DPYD: variants seen among roughly 807,000 people sequenced by gnomAD.
DPYD encodes the protein dihydropyrimidine dehydrogenase.
A neutral mutation model predicts 116.2 loss-of-function variants in DPYD; 109 were observed. That is an observed-to-expected ratio of 0.94 (90% CI 0.80 to 1.10). The LOEUF (loss-of-function observed/expected upper bound fraction) is 1.10. Among genes scored for constraint, DPYD ranks in the 50% least tolerant of loss-of-function variants. DPYD has a pLI of 0.00. For synonymous variants in DPYD, 440 were observed against 432.0 expected, an observed-to-expected ratio of 1.02 and a Z score of -0.23; for missense variants, 1,302 against 1,254.5, an observed-to-expected ratio of 1.04 and a Z score of -0.57.
chr1:97,322,141 G>A (rs900098477), intron 16 of DPYD, among the ~76,000 whole-genome samples: 6 of 141,306 alleles, frequency 4.2e-5, no homozygotes, highest in South Asian at 2.4e-4. Flanking sequence ...GCTAGATGAC[G>A]CGTTAGTGGG....
chr1:97,920,935 A>C lies in DPYD; in HGVS notation c.-13T>G, dbSNP rs760379014. On this transcript the variant is annotated 5_prime_UTR_variant, in exon 1 of 23. Transcript: ENST00000370192. ...GCACAGGGGCCATGGCAGTGCCTAC[A>C]GTCTCGAGTCTGCCAGTGACAAACC... is the stretch of plus-strand genomic sequence containing the variant. The C allele has an allele frequency of 2.5e-6, 4 of 1,580,332 alleles. No individual in the cohort carries two copies. In the South Asian group the frequency reaches 4.6e-5, roughly 18 times the overall value.
At chr1:97,755,692 G>T (rs2101112246) in intron 3 of DPYD, among the ~76,000 whole-genome samples, 1 of 152,188 alleles carries the variant, frequency 6.6e-6, no homozygotes, top group Non-Finnish European at 1.5e-5. Flanking sequence ...AATGGATTCT[G>T]GATTTAAATC....
rs1301924646 is a variant in DPYD at position 97,268,387 on chromosome 1, T to G, written c.2300-33393A>C. 2.0e-5 allele frequency among the ~76,000 whole-genome samples: 3 copies of G among 152,178 alleles called. No individual in the cohort carries two copies. The East Asian group carries it at 5.8e-4, about 29-fold the overall frequency. On this transcript the variant is annotated intron_variant, in intron 18 of 22. Coordinates refer to ENST00000370192, the MANE Select transcript of DPYD (RefSeq NM_000110.4). ...TCAAAGTGGGGATTCCCTGCAGTAG[T>G]CTCACTCCTGCACTCTGCTGTGCAT...
chr1:97,697,820 TA>T (rs1426158256), intron 6 of DPYD, among the ~76,000 whole-genome samples: 3 of 151,994 alleles, frequency 2.0e-5, no homozygotes, highest in Non-Finnish European at 4.4e-5. Flanking sequence ...CAATACATAG[TA>T]AGTTACAAAT....
intron 16 of DPYD, among the ~76,000 whole-genome samples, chr1:97,369,979 G>A (rs748884057): frequency 2.6e-5 from 4 of 152,156 alleles, no homozygotes; most frequent in Non-Finnish European, 5.9e-5. Flanking sequence ...AGAAATGTTA[G>A]TGTTTTTAAA....
intron 16 of DPYD, among the ~76,000 whole-genome samples, chr1:97,372,236 C>T (rs12408270): frequency 0.044 from 6,731 of 152,200 alleles, 812 homozygotes; most frequent in East Asian, 0.36. Context: ...AAAAATACTT[C>T]GGTTCTGAGA....
intron 1 of DPYD, among the ~76,000 whole-genome samples, chr1:97,920,226 A>C (rs547202210): frequency 2.6e-5 from 4 of 152,300 alleles, no homozygotes; most frequent in Admixed American, 2.6e-4. Flanking sequence ...TTACATAAAA[A>C]AAGATTTTTT....
In DPYD at chr1:97,438,512, T is replaced by C. The variant is rs145108919; in HGVS notation, c.1905+11547A>G. Among the ~76,000 whole-genome samples the C allele has an allele frequency of 1.6e-3, 243 of 152,170 alleles. 1 individual carries two copies. Among genetic ancestry groups the C allele is most frequent in the African/African-American group, 5.3e-3 (222 of 41,574 alleles). On this transcript the variant is annotated intron_variant, in intron 14 of 22. Coordinates refer to ENST00000370192, the MANE Select transcript of DPYD (RefSeq NM_000110.4). ...ATTTATTTTAATTTCCAGTTGTTTATTGCTTGCATATAAAAATACAATTAA... is the reference window on the plus strand; with the variant it reads ...ATTTATTTTAATTTCCAGTTGTTTACTGCTTGCATATAAAAATACAATTAA...
intron 19 of DPYD, among the ~76,000 whole-genome samples, chr1:97,201,310 T>C (rs1278364325): frequency 1.3e-5 from 2 of 152,174 alleles, no homozygotes; most frequent in Admixed American, 6.6e-5. Flanking sequence ...TCTAATTCTA[T>C]CTGTCCACAC....
chr1:97,796,079 TA>T (rs1270696756), intron 3 of DPYD, among the ~76,000 whole-genome samples: 4 of 152,160 alleles, frequency 2.6e-5, no homozygotes, highest in African/African-American at 9.6e-5. Context: ...CCAATTCTGT[TA>T]GGTGAATATA....
At chr1:97,583,446 T>A (rs1653840400) in intron 10 of DPYD, among the ~76,000 whole-genome samples, 1 of 152,146 alleles carries the variant, frequency 6.6e-6, no homozygotes. Context: ...GATTCAAGCC[T>A]CCCTGGCAGC....
chr1:97,828,286 T>A, intron 2 of DPYD, 90 bp from the exon 3 acceptor site: 1 of 1,214,040 alleles, frequency 8.2e-7, no homozygotes, highest in Non-Finnish European at 1.2e-6. Flanking sequence ...TTGATTATAT[T>A]GATCATGGAC....
intron 5 of DPYD, among the ~76,000 whole-genome samples, chr1:97,708,279 T>C (rs1662094436): frequency 1.3e-5 from 2 of 152,164 alleles, no homozygotes; most frequent in South Asian, 4.1e-4. Context: ...GTTCTGTAGT[T>C]TTGTATTTTA....
At chr1:97,568,383 A>T (rs1341105107) in intron 11 of DPYD, among the ~76,000 whole-genome samples, 1 of 152,178 alleles carries the variant, frequency 6.6e-6, no homozygotes, top group Non-Finnish European at 1.5e-5. Flanking sequence ...CTATATGTAA[A>T]TGATTTACAT....
At chr1:97,756,437 AT>A (rs1278821060) in intron 3 of DPYD, among the ~76,000 whole-genome samples, 3 of 152,178 alleles carry the variant, frequency 2.0e-5, no homozygotes, top group African/African-American at 4.8e-5. Flanking sequence ...TATTCCTCAC[AT>A]CTAAAATGGA....
chr1:97,724,772 G>T (rs1476832287), intron 4 of DPYD, among the ~76,000 whole-genome samples: 1 of 151,616 alleles, frequency 6.6e-6, no homozygotes, highest in East Asian at 1.9e-4. Context: ...AGCACACAAA[G>T]GTTCAATCAA....
intron 20 of DPYD, among the ~76,000 whole-genome samples, chr1:97,172,093 G>C (rs1656761522): frequency 2.0e-5 from 3 of 152,188 alleles, no homozygotes. Flanking sequence ...AAGAAATCCA[G>C]GTGAAAGTGG....
chr1:97,398,192 C>T (rs575555571), intron 14 of DPYD, among the ~76,000 whole-genome samples: 16 of 152,124 alleles, frequency 1.1e-4, no homozygotes, highest in East Asian at 5.8e-4. Context: ...TGAGAACATG[C>T]GGTGTTTGGA....
chr1:97,784,696 C>A (rs946671780), intron 3 of DPYD, among the ~76,000 whole-genome samples: 11 of 152,152 alleles, frequency 7.2e-5, no homozygotes, highest in East Asian at 3.8e-4. Context: ...TTCAGACAGT[C>A]TCTTCTAACT....
Sources: gnomAD v4.1 joint callset for allele counts (sites outside exome capture counted in the v4.1 genomes callset) on GRCh38, gnomAD v4.1.1 for gene constraint, MANE v1.5 for transcripts, NCBI Gene and HGNC (gene_info 2026-07-23, HGNC 2026-07-21) for gene names.